Variants in JMJD1C observed in about 807,000 individuals in gnomAD.
The protein encoded by JMJD1C is jumonji domain-containing protein 1C.
JMJD1C carries 31 observed loss-of-function variants against 245.3 expected under a neutral mutation model. The observed-to-expected ratio is 0.13, with a 90% CI of 0.09 to 0.17. The LOEUF is 0.17. JMJD1C is among the 10% of genes least tolerant of loss of function. The pLI, the probability that JMJD1C is intolerant of heterozygous loss-of-function variation, is 1.00. For synonymous variants in JMJD1C, 1,057 were observed against 1,017.4 expected (o/e 1.04, Z -0.74); for missense variants, 2,691 against 3,000.2 (o/e 0.90, Z 2.41).
chr10:63,212,682 C>G (rs993155288), intron 8 of JMJD1C, among the ~76,000 whole-genome samples: 1 of 151,960 alleles, frequency 6.6e-6, no homozygotes, highest in African/African-American at 2.4e-5. Flanking sequence ...TGTACTATAC[C>G]ATTAATATAC....
At chr10:63,291,310 GAAAAAAAA>G (rs59082600) in intron 2 of JMJD1C, among the ~76,000 whole-genome samples, 4 of 69,134 alleles carry the variant, frequency 5.8e-5, no homozygotes, top group Non-Finnish European at 1.0e-4. Flanking sequence ...GTCTGTCTCA[GAAAAAAAA>G]AAAAAAAAAA....
intron 2 of JMJD1C, among the ~76,000 whole-genome samples, chr10:63,287,009 T>C (rs914481297): frequency 5.9e-5 from 9 of 152,058 alleles, no homozygotes; most frequent in African/African-American, 2.2e-4. Context: ...CAACAAAAAA[T>C]TTATCAGCCC....
intron 1 of JMJD1C, among the ~76,000 whole-genome samples, chr10:63,398,581 ACT>A (rs1225596964): frequency 6.6e-6 from 1 of 152,094 alleles, no homozygotes; most frequent in African/African-American, 2.4e-5. Context: ...CTAGTAATTC[ACT>A]GAGATTTGCA....
At chr10:63,265,221 G>A (rs1245748445) in intron 2 of JMJD1C, among the ~76,000 whole-genome samples, 10 of 151,846 alleles carry the variant, frequency 6.6e-5, no homozygotes, top group Non-Finnish European at 1.3e-4. Context: ...GATTTTAAAT[G>A]ATCAGGAAGT....
intron 10 of JMJD1C, chr10:63,202,508 G>C: frequency 1.0e-6 from 1 of 985,400 alleles, no homozygotes; most frequent in Non-Finnish European, 1.2e-6. Context: ...AACTTACAAA[G>C]CACTGTGTTT....
intron 24 of JMJD1C, among the ~76,000 whole-genome samples, chr10:63,170,433 T>C (rs1042883327): frequency 1.3e-5 from 2 of 152,230 alleles, no homozygotes; most frequent in Non-Finnish European, 2.9e-5. Flanking sequence ...AGTCATCCAT[T>C]TGTTTAGTGA....
chr10:63,415,617 A>G (rs1949754643), intron 1 of JMJD1C, among the ~76,000 whole-genome samples: 1 of 152,238 alleles, frequency 6.6e-6, no homozygotes, highest in Non-Finnish European at 1.5e-5. Flanking sequence ...ACACACAGCC[A>G]AAACTTTCAA....
intron 3 of JMJD1C, among the ~76,000 whole-genome samples, chr10:63,238,189 A>AAAAAAAAAAAAAAAAG (rs986291984): frequency 1.2e-3 from 158 of 135,688 alleles, no homozygotes; most frequent in Non-Finnish European, 1.6e-3. Context: ...TCAAAAAAAA[A>AAAAAAAAAAAAAAAAG]AAAAAAGAAA....
chr10:63,411,941 G>T (rs554190367), intron 1 of JMJD1C, among the ~76,000 whole-genome samples: 3 of 124,554 alleles, frequency 2.4e-5, no homozygotes, highest in Non-Finnish European at 4.8e-5. Flanking sequence ...ATAGAGACAA[G>T]ATCTTGGCCA....
chr10:63,168,178 A>T, intron 25 of JMJD1C, 44 bp from the exon 26 acceptor site: 1 of 1,342,220 alleles, frequency 7.5e-7, no homozygotes, highest in South Asian at 1.2e-5. Flanking sequence ...GTTCGACAGA[A>T]ATTAATTAAA....
upstream of JMJD1C, among the ~76,000 whole-genome samples, chr10:63,467,297 G>A (rs1005149445): frequency 5.9e-5 from 9 of 152,094 alleles, no homozygotes; most frequent in Admixed American, 3.9e-4. Flanking sequence ...TCGGGAGTTC[G>A]AGACCAGCCT....
At chr10:63,389,311 C>CAAAAAAAAAAAAAAAAAA (rs1185397734) in intron 1 of JMJD1C, among the ~76,000 whole-genome samples, 1 of 64,640 alleles carries the variant, frequency 1.5e-5, no homozygotes, top group Admixed American at 1.9e-4. Context: ...GACCCTGTCT[C>CAAAAAAAAAAAAAAAAAA]AAAAAAAAAA....
At chr10:63,189,544 C>T (rs1006125584) in intron 17 of JMJD1C, 98 bp from the exon 18 acceptor site, 20 of 948,270 alleles carry the variant, frequency 2.1e-5, no homozygotes, top group Admixed American at 2.8e-5. Context: ...AATATCCCTA[C>T]ACTCCACAAT....
At chr10:63,466,139 A>AGGCGGCGGCGGCGGCGGCGGC (rs3841602), upstream of JMJD1C, 8 of 176,944 alleles carry the variant, frequency 4.5e-5, 2 homozygotes, top group East Asian at 6.9e-4. Context: ...CCAGATCCAG[A>AGGCGGCGGCGGCGGCGGCGGC]GGCGGCGGCG....
intron 8 of JMJD1C, among the ~76,000 whole-genome samples, chr10:63,209,737 T>G (rs1319491351): frequency 1.3e-5 from 2 of 152,292 alleles, no homozygotes; most frequent in Non-Finnish European, 2.9e-5. Flanking sequence ...AAAACCCAAA[T>G]GCACTCCCCA....
intron 20 of JMJD1C, 41 bp downstream of exon 20, chr10:63,185,522 C>T (rs1236181722): frequency 1.4e-5 from 16 of 1,127,366 alleles, no homozygotes; most frequent in Middle Eastern, 3.9e-4. Context: ...AGTCTTAGCT[C>T]GATCTCAAAA....
rs191084959 is a variant in JMJD1C, at chr10:63,328,158, C to A, written c.333+52160G>T. Reference sequence around the variant, plus strand: ...GGCATGGTGGCAAATGCCTGTAATCCCAGCTACTTTGGAGGCTGAGGCAGG... The same window carrying A: ...GGCATGGTGGCAAATGCCTGTAATCACAGCTACTTTGGAGGCTGAGGCAGG... On this transcript the variant is annotated intron_variant, in intron 2 of 25. Coordinates refer to ENST00000399262, the MANE Select transcript of JMJD1C (RefSeq NM_032776.3). 1.7e-3 allele frequency among the ~76,000 whole-genome samples: 259 copies of A among 151,992 alleles called. 3 individuals are homozygous for A. The highest frequency in any genetic ancestry group is 5.8e-3 in the African/African-American group (242 of 41,490).
chr10:63,408,956 G>T (rs903843858), intron 1 of JMJD1C, among the ~76,000 whole-genome samples: 1 of 152,046 alleles, frequency 6.6e-6, no homozygotes, highest in Non-Finnish European at 1.5e-5. Flanking sequence ...ATGATTTTAC[G>T]TAACTTAGGG....
chr10:63,204,065 T>C (rs974743281), intron 10 of JMJD1C: 15 of 883,092 alleles, frequency 1.7e-5, no homozygotes, highest in Non-Finnish European at 2.0e-5. Context: ...CTGTGCACTA[T>C]GGTTACACCT....
Sources: allele counts gnomAD v4.1 joint callset (sites outside exome capture counted in the v4.1 genomes callset), GRCh38; gene constraint gnomAD v4.1.1; transcripts MANE v1.5; gene names NCBI Gene and HGNC (gene_info 2026-07-23, HGNC 2026-07-21).